CSMD1: variants seen among roughly 807,000 people sequenced by gnomAD.
The protein encoded by CSMD1 is CUB and sushi domain-containing protein 1.
CSMD1 carries 213 observed loss-of-function variants against 417.5 expected under a neutral mutation model. The ratio of observed to expected loss-of-function variants is 0.51; its 90% CI spans 0.46 to 0.57. The LOEUF (loss-of-function observed/expected upper bound fraction) is 0.57. CSMD1 is among the 20% of genes least tolerant of loss of function. CSMD1 has a pLI of 0.00. For missense variants in CSMD1, 6,923 were observed against 4,529.7 expected, an observed-to-expected ratio of 1.53 and a Z score of -15.17; for synonymous variants, 2,862 against 1,736.8, an observed-to-expected ratio of 1.65 and a Z score of -16.11.
intron 3 of CSMD1, among the ~76,000 whole-genome samples, chr8:4,091,554 C>T (rs17404135): frequency 6.6e-6 from 1 of 151,960 alleles, no homozygotes; most frequent in Admixed American, 6.6e-5. Flanking sequence ...GCAAACGTGG[C>T]CACCGCTCCT....
chr8:3,700,185 C>T (rs955935033), intron 7 of CSMD1, among the ~76,000 whole-genome samples: 6 of 152,152 alleles, frequency 3.9e-5, no homozygotes, highest in Admixed American at 3.9e-4. Flanking sequence ...GGTGCACCAA[C>T]ATCTCACAAA....
intron 3 of CSMD1, among the ~76,000 whole-genome samples, chr8:4,236,540 AC>A (rs1563317339): frequency 6.6e-6 from 1 of 152,188 alleles, no homozygotes. Flanking sequence ...ATTTCATGTG[AC>A]TTAGAAAAAT....
intron 3 of CSMD1, among the ~76,000 whole-genome samples, chr8:4,114,033 T>C (rs986041275): frequency 4.6e-5 from 7 of 152,200 alleles, no homozygotes; most frequent in Non-Finnish European, 1.0e-4. Flanking sequence ...TCTAAGATCA[T>C]TGATGAAGAC....
At chr8:3,655,444 A>C (rs1563239475) in intron 7 of CSMD1, among the ~76,000 whole-genome samples, 1 of 152,164 alleles carries the variant, frequency 6.6e-6, no homozygotes, top group Non-Finnish European at 1.5e-5. Flanking sequence ...AGCATATTTC[A>C]TTACTCTACA....
chr8:2,977,434 A>T (rs1049569429), intron 55 of CSMD1, among the ~76,000 whole-genome samples: 3 of 152,188 alleles, frequency 2.0e-5, no homozygotes, highest in Non-Finnish European at 4.4e-5. Context: ...ACATAATCTC[A>T]TTCTTTTTTA....
At chr8:3,234,437 T>C (rs538980248) in intron 26 of CSMD1, among the ~76,000 whole-genome samples, 2 of 152,300 alleles carry the variant, frequency 1.3e-5, no homozygotes, top group African/African-American at 4.8e-5. Flanking sequence ...ATTATTATCA[T>C]TACTCGTGTT....
chr8:4,618,945 T>C (rs1463592061), intron 2 of CSMD1, among the ~76,000 whole-genome samples: 1 of 152,162 alleles, frequency 6.6e-6, no homozygotes, highest in Non-Finnish European at 1.5e-5. Context: ...AACAAATCCA[T>C]ATTTTATTTC....
intron 1 of CSMD1, among the ~76,000 whole-genome samples, chr8:4,897,231 C>A (rs866567056): frequency 3.3e-5 from 5 of 152,004 alleles, no homozygotes; most frequent in African/African-American, 9.7e-5. Flanking sequence ...TGTTTTGTTT[C>A]TACTGTGTCA....
intron 37 of CSMD1, among the ~76,000 whole-genome samples, chr8:3,163,585 C>G (rs1205252520): frequency 1.3e-5 from 2 of 151,818 alleles, no homozygotes; most frequent in Admixed American, 6.6e-5. Flanking sequence ...CATGCCTGCT[C>G]CACGTCTCAC....
intron 25 of CSMD1, among the ~76,000 whole-genome samples, chr8:3,293,597 C>G (rs183866947): frequency 2.6e-5 from 4 of 152,216 alleles, no homozygotes; most frequent in Admixed American, 6.5e-5. Flanking sequence ...TCACTGATAC[C>G]TTGTCTTCCT....
At chr8:4,651,885 G>C (rs1195001684) in intron 1 of CSMD1, among the ~76,000 whole-genome samples, 1 of 152,160 alleles carries the variant, frequency 6.6e-6, no homozygotes, top group Non-Finnish European at 1.5e-5. Context: ...CTGCAAGTTA[G>C]GGAGAGACAT....
chr8:4,890,866 A>T (rs1049108983), intron 1 of CSMD1, among the ~76,000 whole-genome samples: 6 of 152,166 alleles, frequency 3.9e-5, no homozygotes, highest in African/African-American at 1.4e-4. Flanking sequence ...TTGAGTGACA[A>T]GAAACATGAT....
chr8:3,926,053 T>TGCACACACACACACACAAACACCATAC (rs1809656621), intron 5 of CSMD1, among the ~76,000 whole-genome samples: 2 of 87,820 alleles, frequency 2.3e-5, no homozygotes, highest in Non-Finnish European at 4.9e-5. Context: ...AAACACCATA[T>TGCACACACACACACACAAACACCATAC]ACACACACAC....
At chr8:3,462,346 G>T (rs1185965800) in intron 12 of CSMD1, among the ~76,000 whole-genome samples, 1 of 152,134 alleles carries the variant, frequency 6.6e-6, no homozygotes, top group Non-Finnish European at 1.5e-5. Context: ...CCAGGCCAGG[G>T]ACCAGTACTC....
chr8:3,121,452 A>T (rs966080010), intron 41 of CSMD1, among the ~76,000 whole-genome samples: 16 of 152,152 alleles, frequency 1.1e-4, no homozygotes, highest in African/African-American at 3.9e-4. Flanking sequence ...TCCCCCAGGG[A>T]CGAGAAGTGG....
intron 2 of CSMD1, among the ~76,000 whole-genome samples, chr8:4,620,252 A>C (rs1232170987): frequency 6.6e-6 from 1 of 151,656 alleles, no homozygotes; most frequent in African/African-American, 2.4e-5. Context: ...AAACTAAATA[A>C]CAATTGCTCT....
At chr8:4,665,368 C>T (rs1804854595) in intron 1 of CSMD1, among the ~76,000 whole-genome samples, 1 of 152,230 alleles carries the variant, frequency 6.6e-6, no homozygotes, top group Non-Finnish European at 1.5e-5. Flanking sequence ...AGTAAACCAC[C>T]CGTTTTAGGT....
chr8:3,610,092 C>G (rs935017033), intron 8 of CSMD1, among the ~76,000 whole-genome samples: 4 of 152,024 alleles, frequency 2.6e-5, no homozygotes, highest in Admixed American at 6.6e-5. Context: ...AAAACATCAA[C>G]ATTTGTAATG....
intron 5 of CSMD1, among the ~76,000 whole-genome samples, chr8:3,864,174 T>C (rs1244693181): frequency 2.0e-5 from 3 of 152,140 alleles, no homozygotes; most frequent in Admixed American, 6.6e-5. Flanking sequence ...TTATAGGAAA[T>C]CTGCTAAATG....
Sources: allele counts gnomAD v4.1 joint callset (sites outside exome capture counted in the v4.1 genomes callset), GRCh38; gene constraint gnomAD v4.1.1; transcripts MANE v1.5; gene names NCBI Gene and HGNC (gene_info 2026-07-23, HGNC 2026-07-21).